The following EYA1 variants were observed in gnomAD, a reference collection of about 807,000 sequenced individuals.
EYA1 encodes the protein protein phosphatase EYA1.
EYA1 carries 16 observed loss-of-function variants against 82.0 expected under a neutral mutation model. The ratio of observed to expected loss-of-function variants is 0.20; its 90% CI spans 0.13 to 0.30. The LOEUF is 0.30. Among genes scored for constraint, EYA1 ranks in the 10% least tolerant of loss-of-function variants. The probability of loss-of-function intolerance (pLI) is 1.00; values close to 1 mark genes in which losing one functional copy is unlikely to be tolerated. For synonymous variants in EYA1, 261 were observed against 264.4 expected, an observed-to-expected ratio of 0.99 and a Z score of 0.12; for missense variants, 633 against 730.7, an observed-to-expected ratio of 0.87 and a Z score of 1.54.
chr8:71,237,045 T>A (rs925913369), intron 12 of EYA1, among the ~76,000 whole-genome samples: 1 of 152,064 alleles, frequency 6.6e-6, no homozygotes, highest in African/African-American at 2.4e-5. Context: ...CTGTTTGACT[T>A]GACATTTCTT....
intron 7 of EYA1, among the ~76,000 whole-genome samples, chr8:71,314,939 T>C (rs970787017): frequency 6.6e-6 from 1 of 152,150 alleles, no homozygotes; most frequent in African/African-American, 2.4e-5. Flanking sequence ...TTTTAAATGA[T>C]AATTTTATTT....
chr8:71,350,253 A>C (rs1414508899), intron 3 of EYA1, among the ~76,000 whole-genome samples: 1 of 152,220 alleles, frequency 6.6e-6, no homozygotes, highest in Non-Finnish European at 1.5e-5. Context: ...GCTCCAGTTT[A>C]GATATTTCTT....
intron 2 of EYA1, among the ~76,000 whole-genome samples, chr8:71,355,672 T>A (rs182232759): frequency 1.3e-5 from 2 of 152,334 alleles, no homozygotes; most frequent in Admixed American, 1.3e-4. Context: ...TCACTTACTC[T>A]GGGAAATAAC....
intron 2 of EYA1, among the ~76,000 whole-genome samples, chr8:71,437,592 G>A (rs534291004): frequency 1.8e-4 from 27 of 152,042 alleles, no homozygotes; most frequent in African/African-American, 4.8e-4. Flanking sequence ...GAAATTTAAC[G>A]TTAAGGTAAA....
At chr8:71,373,031 G>A (rs1002539546) in intron 2 of EYA1, among the ~76,000 whole-genome samples, 46 of 152,084 alleles carry the variant, frequency 3.0e-4, no homozygotes, top group East Asian at 5.8e-4. Context: ...CATCATAATC[G>A]ATGAAGGAAA....
chr8:71,309,460 C>A (rs918424110), intron 7 of EYA1, among the ~76,000 whole-genome samples: 1 of 152,166 alleles, frequency 6.6e-6, no homozygotes, highest in Non-Finnish European at 1.5e-5. Flanking sequence ...CACATCAGTG[C>A]AAGCTGCAAT....
rs573804805 is a variant in EYA1 at position 71,475,131 on chromosome 8, C to G, written c.33+60613G>C. ...GGGCAATAAGAGCGAAACTCCATCT[C>G]AAAAAATAAATAAATAGAAAAGAAT... On this transcript the variant is annotated intron_variant, in intron 2 of 18. Transcript: ENST00000643681. Among the ~76,000 whole-genome samples, 5 of 151,992 alleles carry G rather than the reference C, an allele frequency of 3.3e-5. No individual in the cohort carries two copies. In the South Asian group the frequency reaches 1.0e-3, roughly 32 times the overall value.
chr8:71,317,240 C>CT (rs1453065856), intron 7 of EYA1, among the ~76,000 whole-genome samples: 1 of 152,174 alleles, frequency 6.6e-6, no homozygotes, highest in Admixed American at 6.6e-5. Flanking sequence ...ACGTGGCTGA[C>CT]TTTTGACTTT....
intron 2 of EYA1, among the ~76,000 whole-genome samples, chr8:71,383,715 C>T (rs1828832980): frequency 6.6e-6 from 1 of 151,854 alleles, no homozygotes; most frequent in South Asian, 2.1e-4. Context: ...ATAATAAACA[C>T]CAAATCTAGA....
intron 2 of EYA1, among the ~76,000 whole-genome samples, chr8:71,417,998 G>A (rs1472004596): frequency 6.6e-6 from 1 of 152,042 alleles, no homozygotes; most frequent in Non-Finnish European, 1.5e-5. Context: ...CACCTCCTTT[G>A]TACCCTTCTC....
chr8:71,335,270 AGAT>A (rs1282642558), intron 3 of EYA1, among the ~76,000 whole-genome samples: 4 of 152,314 alleles, frequency 2.6e-5, no homozygotes, highest in African/African-American at 9.6e-5. Context: ...AAGCGGGAAA[AGAT>A]GATGGAGAAA....
chr8:71,415,670 C>A (rs1830814927), intron 2 of EYA1, among the ~76,000 whole-genome samples: 1 of 152,162 alleles, frequency 6.6e-6, no homozygotes, highest in African/African-American at 2.4e-5. Flanking sequence ...CAGGGTGACA[C>A]ACATAAGCTA....
chr8:71,305,883 C>T (rs149796817), intron 7 of EYA1, among the ~76,000 whole-genome samples: 104 of 152,224 alleles, frequency 6.8e-4, no homozygotes, highest in African/African-American at 2.4e-3. Flanking sequence ...CACACGCATA[C>T]GCACACACAC....
chr8:71,461,450 C>T (rs1486226417), intron 2 of EYA1, among the ~76,000 whole-genome samples: 1 of 152,156 alleles, frequency 6.6e-6, no homozygotes, highest in Non-Finnish European at 1.5e-5. Flanking sequence ...CCACGGCTAG[C>T]AACGGGGTAT....
intron 9 of EYA1, among the ~76,000 whole-genome samples, chr8:71,278,568 C>G (rs577943441): frequency 2.6e-5 from 4 of 152,314 alleles, no homozygotes; most frequent in Non-Finnish European, 5.9e-5. Flanking sequence ...CCTCTGTGAA[C>G]AGTCCAAATC....
At chr8:71,375,683 T>C (rs1454377810) in intron 2 of EYA1, among the ~76,000 whole-genome samples, 4 of 152,234 alleles carry the variant, frequency 2.6e-5, no homozygotes, top group African/African-American at 4.8e-5. Context: ...GGCTGGACTA[T>C]AGTGGCGTGA....
intron 2 of EYA1, among the ~76,000 whole-genome samples, chr8:71,496,092 C>G (rs1241501011): frequency 6.6e-6 from 1 of 152,164 alleles, no homozygotes; most frequent in African/African-American, 2.4e-5. Context: ...AATTCAGACA[C>G]TATGCCTAAT....
At chr8:71,211,572 G>C (rs545304715) in intron 16 of EYA1, among the ~76,000 whole-genome samples, 2 of 152,310 alleles carry the variant, frequency 1.3e-5, no homozygotes, top group Admixed American at 6.5e-5. Flanking sequence ...GGAAAGTACT[G>C]TTTTGCAGTG....
intron 16 of EYA1, among the ~76,000 whole-genome samples, chr8:71,214,925 T>TTTTC (rs1808990785): frequency 6.6e-6 from 1 of 152,236 alleles, no homozygotes; most frequent in Non-Finnish European, 1.5e-5. Context: ...AAGAAGCTTT[T>TTTTC]AAATCTCCAC....
Sources: gnomAD v4.1 joint callset for allele counts (sites outside exome capture counted in the v4.1 genomes callset) on GRCh38, gnomAD v4.1.1 for gene constraint, MANE v1.5 for transcripts, NCBI Gene and HGNC (gene_info 2026-07-23, HGNC 2026-07-21) for gene names.